The following VOPP1 variants were observed in gnomAD, a reference collection of about 807,000 sequenced individuals.
VOPP1 encodes WW domain binding protein VOPP1.
In VOPP1, 8 loss-of-function variants were observed where a neutral mutation model predicts 23.5. The observed-to-expected ratio is 0.34, with a 90% CI of 0.20 to 0.61. The LOEUF (loss-of-function observed/expected upper bound fraction) is 0.61, where lower values mean the gene tolerates loss of function less well. VOPP1 is among the 20% of genes least tolerant of loss of function. The pLI, the probability that VOPP1 is intolerant of heterozygous loss-of-function variation, is 0.78. For synonymous variants in VOPP1, 83 were observed against 97.3 expected (o/e 0.85, Z 0.86); for missense variants, 174 against 238.1 (o/e 0.73, Z 1.77).
intron 4 of VOPP1, among the ~76,000 whole-genome samples, chr7:55,491,159 T>C (rs1172488591): frequency 6.6e-6 from 1 of 152,218 alleles, no homozygotes; most frequent in Non-Finnish European, 1.5e-5. Flanking sequence ...CCATGCTCTA[T>C]TCCATAAACA....
chr7:55,450,853 T>C (rs1034302154), intron 4 of VOPP1, among the ~76,000 whole-genome samples: 5 of 152,248 alleles, frequency 3.3e-5, no homozygotes, highest in African/African-American at 1.2e-4. Flanking sequence ...GAATACTAGG[T>C]CTGTGGCAAA....
Position 55,479,290 on chromosome 7 carries a change from C to T in VOPP1, c.329-6245G>A, listed in dbSNP as rs188565716. Reference sequence around the variant, plus strand: ...ATTTAGCGTTAGGTATATCTCCTAACGCTATCCCTCCCCCATCCCCCCACC... The same window carrying T: ...ATTTAGCGTTAGGTATATCTCCTAATGCTATCCCTCCCCCATCCCCCCACC... On this transcript the variant is annotated intron_variant, in intron 4 of 4. Coordinates refer to ENST00000285279, the MANE Select transcript of VOPP1 (RefSeq NM_030796.5). 4.2e-3 allele frequency among the ~76,000 whole-genome samples: 638 copies of T among 151,822 alleles called. 3 individuals carry two copies. The highest frequency in any genetic ancestry group is 0.016 in the East Asian group (80 of 5,136).
intron 4 of VOPP1, among the ~76,000 whole-genome samples, chr7:55,454,477 C>G (rs200214477): frequency 6.6e-6 from 1 of 152,118 alleles, no homozygotes; most frequent in African/African-American, 2.4e-5. Flanking sequence ...GATACCAAAA[C>G]CTGGCAGAGA....
At chr7:55,496,517 GTACACC>G (rs574568549) in intron 3 of VOPP1, among the ~76,000 whole-genome samples, 92 of 152,370 alleles carry the variant, frequency 6.0e-4, no homozygotes, top group Middle Eastern at 3.4e-3. Context: ...TGTTAGGGGG[GTACACC>G]TAGGTGGGGC....
intron 4 of VOPP1, among the ~76,000 whole-genome samples, chr7:55,453,493 A>T (rs185434676): frequency 6.6e-6 from 1 of 152,284 alleles, no homozygotes; most frequent in East Asian, 1.9e-4. Context: ...TAGGGTTACT[A>T]ACTAGCCTAA....
chr7:55,497,679 T>C lies in VOPP1; in HGVS notation c.125A>G (p.Tyr42Cys). ...GCACCTGGAGCCACAGCAGTCCTCG[T>C]AGGAGCGGCATCTGTGGAGAGAGGC... ...LYPTYYICRS[Y>C]EDCCGSRCCV... The change falls in exon 3 of 5, where the codon TAC becomes TGC. Residue 42 changes from tyrosine to cysteine, a missense_variant. Tyr to Cys is a radical substitution (Grantham distance 194). Transcript: ENST00000285279. 1.9e-6 allele frequency: 3 copies of C among 1,613,748 alleles called. No individual in the cohort carries two copies. The highest frequency in any genetic ancestry group is 2.5e-6 in the Non-Finnish European group (3 of 1,179,830).
At chr7:55,538,756 T>A in intron 1 of VOPP1, 1 of 1,114,264 alleles carries the variant, frequency 9.0e-7, no homozygotes, top group Non-Finnish European at 1.3e-6. Flanking sequence ...GAACGCTTTC[T>A]AAGGGGAATG....
At chr7:55,477,916 G>A (rs1792391171) in intron 4 of VOPP1, among the ~76,000 whole-genome samples, 1 of 152,208 alleles carries the variant, frequency 6.6e-6, no homozygotes, top group Admixed American at 6.5e-5. Flanking sequence ...CCGGCCAGGT[G>A]GAGGCAGCGC....
At chr7:55,569,398 G>T (rs983786089) in intron 1 of VOPP1, among the ~76,000 whole-genome samples, 1 of 152,126 alleles carries the variant, frequency 6.6e-6, no homozygotes, top group African/African-American at 2.4e-5. Flanking sequence ...TTTCTAAGGG[G>T]AATACACTTT....
At chr7:55,539,938 C>A (rs1298253272) in intron 1 of VOPP1, among the ~76,000 whole-genome samples, 2 of 150,034 alleles carry the variant, frequency 1.3e-5, no homozygotes, top group African/African-American at 4.9e-5. Context: ...CACACACACA[C>A]ACAGCCTCCC....
chr7:55,554,887 AGAG>A (rs1394917281), intron 1 of VOPP1, among the ~76,000 whole-genome samples: 2 of 152,306 alleles, frequency 1.3e-5, no homozygotes, highest in East Asian at 3.9e-4. Context: ...CAGAATGAGG[AGAG>A]GAGGAAGACC....
chr7:55,561,070 G>A (rs531610391), intron 1 of VOPP1, among the ~76,000 whole-genome samples: 9 of 152,176 alleles, frequency 5.9e-5, no homozygotes, highest in African/African-American at 1.7e-4. Context: ...TCTGCACCCC[G>A]ACCATGGATG....
intron 2 of VOPP1, among the ~76,000 whole-genome samples, chr7:55,499,066 A>G (rs748695747): frequency 6.6e-6 from 1 of 152,180 alleles, no homozygotes; most frequent in Non-Finnish European, 1.5e-5. Flanking sequence ...GCCCATGAAC[A>G]TGAATCCCTA....
At chr7:55,538,709 G>C in intron 1 of VOPP1, 1 of 1,524,274 alleles carries the variant, frequency 6.6e-7, no homozygotes, top group Non-Finnish European at 8.8e-7. Flanking sequence ...CATCAAGAGA[G>C]GGCGGATTAA....
At chr7:55,533,117 G>C (rs1324657031) in intron 1 of VOPP1, among the ~76,000 whole-genome samples, 1 of 152,204 alleles carries the variant, frequency 6.6e-6, no homozygotes, top group Admixed American at 6.5e-5. Flanking sequence ...AGGTGATTTT[G>C]ATGCCAGTTC....
At chr7:55,521,497 CT>C in intron 1 of VOPP1, 1 of 1,028,588 alleles carries the variant, frequency 9.7e-7, no homozygotes, top group Non-Finnish European at 1.2e-6. Context: ...CCCCCAATTT[CT>C]GTTTTAGAGA....
intron 4 of VOPP1, among the ~76,000 whole-genome samples, chr7:55,481,700 C>A (rs1423851740): frequency 6.6e-6 from 1 of 152,224 alleles, no homozygotes; most frequent in African/African-American, 2.4e-5. Flanking sequence ...AGGTGTCCTA[C>A]TGGGAGTAGT....
intron 1 of VOPP1, among the ~76,000 whole-genome samples, chr7:55,524,668 TTTCC>T (rs1562955388): frequency 3.9e-5 from 6 of 152,330 alleles, no homozygotes; most frequent in Admixed American, 1.3e-4. Context: ...TTGTTGAGGC[TTTCC>T]TTCAATAAAT....
intron 1 of VOPP1, among the ~76,000 whole-genome samples, chr7:55,568,180 C>T (rs182782207): frequency 0.011 from 1,637 of 150,426 alleles, 11 homozygotes; most frequent in Middle Eastern, 0.024. Context: ...CCCGGGTTCA[C>T]GCCATTCTCC....
Sources: gnomAD v4.1 joint callset for allele counts (sites outside exome capture counted in the v4.1 genomes callset) on GRCh38, gnomAD v4.1.1 for gene constraint, MANE v1.5 for transcripts, NCBI Gene and HGNC (gene_info 2026-07-23, HGNC 2026-07-21) for gene names.